MMP16: variants seen among roughly 807,000 people sequenced by gnomAD.
MMP16 encodes matrix metalloproteinase-16.
MMP16 carries 12 observed loss-of-function variants against 67.8 expected under a neutral mutation model. The ratio of observed to expected loss-of-function variants is 0.18; its 90% CI spans 0.11 to 0.29. MMP16 has a LOEUF of 0.29. Among genes scored for constraint, MMP16 ranks in the 10% least tolerant of loss-of-function variants. The pLI is 1.00. For missense variants in MMP16, 475 were observed against 765.7 expected, an observed-to-expected ratio of 0.62 and a Z score of 4.48; for synonymous variants, 249 against 255.9, an observed-to-expected ratio of 0.97 and a Z score of 0.26.
chr8:88,164,030 T>C (rs1474642347), intron 4 of MMP16, among the ~76,000 whole-genome samples: 1 of 152,082 alleles, frequency 6.6e-6, no homozygotes, highest in Non-Finnish European at 1.5e-5. Context: ...GTATGACTAT[T>C]AGCAAATTGA....
intron 1 of MMP16, among the ~76,000 whole-genome samples, chr8:88,222,767 T>A (rs1809706018): frequency 1.3e-5 from 2 of 152,246 alleles, no homozygotes; most frequent in Admixed American, 1.3e-4. Context: ...GGCAATACCA[T>A]TCAGGACATA....
chr8:88,239,112 T>A (rs892000472), intron 1 of MMP16, among the ~76,000 whole-genome samples: 5 of 151,900 alleles, frequency 3.3e-5, no homozygotes, highest in Admixed American at 2.0e-4. Context: ...CCTGCCACAC[T>A]GTTTTCCTTT....
intron 1 of MMP16, among the ~76,000 whole-genome samples, chr8:88,246,905 T>A (rs1220815013): frequency 6.6e-6 from 1 of 152,208 alleles, no homozygotes; most frequent in African/African-American, 2.4e-5. Flanking sequence ...CAATTTTACA[T>A]TGAATTTCAT....
chr8:88,066,418 G>A (rs1055426290), intron 7 of MMP16, among the ~76,000 whole-genome samples: 2 of 151,940 alleles, frequency 1.3e-5, no homozygotes, highest in Non-Finnish European at 2.9e-5. Context: ...ACTTCCTCGA[G>A]GTGTGATACA....
chr8:88,194,280 TTAGAC>T (rs1563558778), intron 2 of MMP16, among the ~76,000 whole-genome samples: 4 of 152,038 alleles, frequency 2.6e-5, no homozygotes, highest in Non-Finnish European at 5.9e-5. Context: ...GAGTCTAAAA[TTAGAC>T]AAGAGTTCAT....
chr8:88,293,616 T>C (rs1810959829), intron 1 of MMP16, among the ~76,000 whole-genome samples: 1 of 152,006 alleles, frequency 6.6e-6, no homozygotes. Context: ...TTTTTAAACA[T>C]ATACTATATA....
chr8:88,242,061 T>G, intron 1 of MMP16, among the ~76,000 whole-genome samples: 1 of 152,194 alleles, frequency 6.6e-6, no homozygotes, highest in Non-Finnish European at 1.5e-5. Context: ...AAACAGGTGA[T>G]ATTTATTTTA....
chr8:88,308,252 A>G (rs1437937211), intron 1 of MMP16, among the ~76,000 whole-genome samples: 1 of 152,136 alleles, frequency 6.6e-6, no homozygotes, highest in Non-Finnish European at 1.5e-5. Context: ...GCCATGCAGC[A>G]AACTTGCATT....
chr8:88,201,083 C>A lies in MMP16; in HGVS notation c.133-3777G>T, dbSNP rs1809335860. The stretch of plus-strand genomic sequence containing the variant: ...AAACTTCCCCACTGATAGGACATAA[C>A]ATATAGAGAAAACATCTTGAAATAC... On this transcript the variant is annotated intron_variant, in intron 1 of 9. Transcript: ENST00000286614. Among the ~76,000 whole-genome samples, 3 of 129,032 alleles carry A rather than the reference C, an allele frequency of 2.3e-5. No individual in the cohort carries two copies. The Admixed American group carries it at 2.5e-4, about 11-fold the overall frequency. 84.7% of individuals were successfully genotyped at this position (129,032 alleles called of 152,430 possible).
intron 4 of MMP16, among the ~76,000 whole-genome samples, chr8:88,136,062 G>GAGT (rs1175602338): frequency 1.3e-5 from 2 of 151,928 alleles, no homozygotes; most frequent in Non-Finnish European, 1.5e-5. Context: ...TCTTGAAGAA[G>GAGT]AGTAACTCGG....
At chr8:88,165,794 G>A (rs1277385146) in intron 4 of MMP16, among the ~76,000 whole-genome samples, 1 of 151,978 alleles carries the variant, frequency 6.6e-6, no homozygotes, top group Non-Finnish European at 1.5e-5. Context: ...AAACTATATG[G>A]TAAAAACAAG....
Position 88,197,272 on chromosome 8 carries a change from G to T in MMP16, c.167C>A (p.Thr56Asn). 6.3e-7 allele frequency: 1 copy of T among 1,587,190 alleles called. No individual in the cohort carries two copies. The highest frequency in any genetic ancestry group is 1.2e-5 in the South Asian group (1 of 86,762). The change falls in exon 2 of 10, where the codon ACT (threonine) becomes AAT (asparagine). Residue 56 changes from threonine (T) to asparagine (N), a missense_variant. By Grantham distance (65) the Thr-to-Asn change is moderately conservative (BLOSUM62 0). This residue lies in a region of MMP16 where 170 missense variants were observed against 239.6 expected (regional missense o/e 0.71). Transcript: ENST00000286614. ...WLQKYGYLPP[T>N]DPRMSVLRSA... ...GCGCAGCACTGACATTCTGGGGTCA[G>T]TCGGTGGAAGGTAGCCGTACTTTTG...
intron 6 of MMP16, among the ~76,000 whole-genome samples, chr8:88,089,992 T>C (rs1808907033): frequency 6.6e-6 from 1 of 152,022 alleles, no homozygotes; most frequent in Non-Finnish European, 1.5e-5. Context: ...AAAGTTCAAA[T>C]GTAATTGAGA....
intron 1 of MMP16, among the ~76,000 whole-genome samples, chr8:88,205,576 A>G (rs1809413492): frequency 6.6e-6 from 1 of 152,162 alleles, no homozygotes; most frequent in Non-Finnish European, 1.5e-5. Flanking sequence ...TAATATTCTT[A>G]TTTCTATGCT....
At chr8:88,115,283 T>C (rs1362016729) in intron 6 of MMP16, among the ~76,000 whole-genome samples, 2 of 152,152 alleles carry the variant, frequency 1.3e-5, no homozygotes, top group East Asian at 3.9e-4. Context: ...CCACAATGAG[T>C]AACAATATGA....
At chr8:88,055,956 GAAAGATTTATCTT>G (rs1808327291) in intron 8 of MMP16, among the ~76,000 whole-genome samples, 159 bp downstream of exon 8, 1 of 152,110 alleles carries the variant, frequency 6.6e-6, no homozygotes, top group Non-Finnish European at 1.5e-5. Flanking sequence ...ATATATTAGA[GAAAGATTTATCTT>G]AAATATTATT....
chr8:88,162,668 G>A (rs1170337077), intron 4 of MMP16, among the ~76,000 whole-genome samples: 5 of 152,006 alleles, frequency 3.3e-5, no homozygotes, highest in African/African-American at 7.2e-5. Flanking sequence ...CTGGTGGAAG[G>A]TGACTGGATC....
At position 88,231,267 on chromosome 8, in the gene MMP16, C is replaced by T. The variant is rs144282020; in HGVS notation, c.133-33961G>A. ...ACTGAAATAAAAGGGGTTTATCCAA[C>T]TCAAAACTGAGCGGTTCTAGATATA... On this transcript the variant is annotated intron_variant, in intron 1 of 9. Coordinates refer to ENST00000286614, the MANE Select transcript of MMP16 (RefSeq NM_005941.5). Among the ~76,000 whole-genome samples the T allele has an allele frequency of 6.7e-4, 102 of 152,226 alleles. 1 individual carries two copies. Among genetic ancestry groups the T allele is most frequent in the African/African-American group, 2.0e-3 (85 of 41,552 alleles).
chr8:88,238,223 T>G (rs77220959), intron 1 of MMP16, among the ~76,000 whole-genome samples: 1 of 152,124 alleles, frequency 6.6e-6, no homozygotes, highest in African/African-American at 2.4e-5. Context: ...TGAACAAGAC[T>G]TGGGCTTGGG....
Sources: gnomAD v4.1 joint callset for allele counts (sites outside exome capture counted in the v4.1 genomes callset) on GRCh38, gnomAD v4.1.1 for gene constraint, gnomAD v4.1.1 regional missense constraint, MANE v1.5 for transcripts, NCBI Gene and HGNC (gene_info 2026-07-23, HGNC 2026-07-21) for gene names.